The following CNTN1 variants were observed in gnomAD, a reference collection of about 807,000 sequenced individuals.
The protein encoded by CNTN1 is contactin-1.
CNTN1 carries 38 observed loss-of-function variants against 126.4 expected under a neutral mutation model. The ratio of observed to expected loss-of-function variants is 0.30; its 90% CI spans 0.23 to 0.39. The LOEUF is 0.39. Among genes scored for constraint, CNTN1 ranks in the 10% least tolerant of loss-of-function variants. The pLI, the probability that CNTN1 is intolerant of heterozygous loss-of-function variation, is 1.00. For synonymous variants in CNTN1, 413 were observed against 422.6 expected (o/e 0.98, Z 0.28); for missense variants, 1,009 against 1,248.4 (o/e 0.81, Z 2.89).
chr12:40,889,522 T>C (rs1944166470), intron 1 of CNTN1, among the ~76,000 whole-genome samples: 1 of 152,190 alleles, frequency 6.6e-6, no homozygotes, highest in African/African-American at 2.4e-5. Flanking sequence ...AAAAACTGTT[T>C]ACTAAGCATT....
intron 1 of CNTN1, among the ~76,000 whole-genome samples, chr12:40,906,907 A>T (rs66468524): frequency 0.048 from 7,321 of 151,608 alleles, 318 homozygotes; most frequent in African/African-American, 0.12. Context: ...CGAACTCCTG[A>T]CCTCAGGTGA....
At chr12:40,906,228 A>G (rs1944808046) in intron 1 of CNTN1, among the ~76,000 whole-genome samples, 1 of 152,144 alleles carries the variant, frequency 6.6e-6, no homozygotes. Flanking sequence ...CCGAGACTGC[A>G]CCACTGCACT....
intron 1 of CNTN1, among the ~76,000 whole-genome samples, chr12:40,888,929 G>T (rs1453490523): frequency 6.6e-6 from 1 of 152,202 alleles, no homozygotes; most frequent in Non-Finnish European, 1.5e-5. Context: ...ACACAGCCTT[G>T]CTTCCCCTCC....
At chr12:40,873,487 A>G (rs952111004) in intron 1 of CNTN1, among the ~76,000 whole-genome samples, 1 of 152,174 alleles carries the variant, frequency 6.6e-6, no homozygotes, top group African/African-American at 2.4e-5. Flanking sequence ...TAGATTCTCC[A>G]TATTGGTTTG....
intron 1 of CNTN1, among the ~76,000 whole-genome samples, chr12:40,826,791 C>A (rs1941626867): frequency 6.6e-6 from 1 of 152,190 alleles, no homozygotes; most frequent in Admixed American, 6.5e-5. Context: ...TGTACTCTAA[C>A]CCTGAGTAAT....
At chr12:41,023,140 C>T (rs1318247100) in intron 20 of CNTN1, among the ~76,000 whole-genome samples, 3 of 152,050 alleles carry the variant, frequency 2.0e-5, no homozygotes, top group African/African-American at 7.2e-5. Context: ...TACCCCAATG[C>T]ACTTCCCATG....
At chr12:40,839,112 CT>C (rs1412146351) in intron 1 of CNTN1, among the ~76,000 whole-genome samples, 1 of 152,026 alleles carries the variant, frequency 6.6e-6, no homozygotes, top group Non-Finnish European at 1.5e-5. Flanking sequence ...AACTGAGGTA[CT>C]TTTTGAAGGA....
intron 1 of CNTN1, among the ~76,000 whole-genome samples, chr12:40,731,855 G>A (rs73110855): frequency 0.012 from 1,879 of 152,004 alleles, 26 homozygotes; most frequent in African/African-American, 0.043. Context: ...GGTTATCTCT[G>A]ACTGGGGCTC....
At chr12:40,936,684 G>T (rs547721641) in intron 9 of CNTN1, 97 bp from the exon 10 acceptor site, 21 of 1,468,476 alleles carry the variant, frequency 1.4e-5, no homozygotes, top group Non-Finnish European at 1.9e-5. Flanking sequence ...GATGTATTCT[G>T]CAGAATTAGG....
chr12:41,033,279 TATTATCCTTCAAA>T (rs1566182961), intron 23 of CNTN1, among the ~76,000 whole-genome samples: 1 of 152,212 alleles, frequency 6.6e-6, no homozygotes, highest in Non-Finnish European at 1.5e-5. Flanking sequence ...AATAATTCTA[TATTATCCTTCAAA>T]AACCGTTTTT....
rs539506854 is a variant in CNTN1 at position 41,033,870 on chromosome 12, C to A, written c.2980+4651C>A. On this transcript the variant is annotated intron_variant, in intron 23 of 23. Transcript: ENST00000551295. ...TGGCTAACATGGTGATACCCCGTCT[C>A]TACTAAAAATACAAAAAAAAAAAAA... is the stretch of plus-strand genomic sequence containing the variant. 1.6e-3 allele frequency among the ~76,000 whole-genome samples: 227 copies of A among 142,034 alleles called. 1 individual carries two copies. The highest frequency in any genetic ancestry group is 5.8e-3 in the African/African-American group (219 of 37,518). 93.2% of individuals were successfully genotyped at this position (142,034 alleles called of 152,430 possible). A position where few individuals can be genotyped will look rare whatever the true frequency, so the allele number is the denominator to read the frequency against.
intron 7 of CNTN1, among the ~76,000 whole-genome samples, chr12:40,932,976 T>C (rs1257089317): frequency 6.6e-6 from 1 of 151,786 alleles, no homozygotes; most frequent in East Asian, 1.9e-4. Context: ...TCTGAGTAAA[T>C]GTTTTCCTTC....
At chr12:40,767,402 G>A (rs1939146135) in intron 1 of CNTN1, among the ~76,000 whole-genome samples, 1 of 128,896 alleles carries the variant, frequency 7.8e-6, no homozygotes, top group African/African-American at 2.9e-5. Context: ...TCTGCCTCCC[G>A]GGTTCACCCC....
At chr12:40,932,055 A>G (rs1945905214) in intron 7 of CNTN1, among the ~76,000 whole-genome samples, 2 of 151,796 alleles carry the variant, frequency 1.3e-5, no homozygotes, top group Non-Finnish European at 1.5e-5. Context: ...TCCATGCTCC[A>G]TCCTTTAAAA....
intron 1 of CNTN1, among the ~76,000 whole-genome samples, chr12:40,716,234 GTC>G (rs916972890): frequency 6.0e-5 from 9 of 150,714 alleles, no homozygotes; most frequent in African/African-American, 1.7e-4. Flanking sequence ...CTCTCTCTGT[GTC>G]TCTCTCTCTC....
At chr12:40,834,306 C>G (rs1192524759) in intron 1 of CNTN1, among the ~76,000 whole-genome samples, 1 of 152,110 alleles carries the variant, frequency 6.6e-6, no homozygotes, top group East Asian at 1.9e-4. Flanking sequence ...CATTAACTGC[C>G]CTTTCACCCG....
intron 20 of CNTN1, among the ~76,000 whole-genome samples, chr12:41,024,245 A>T (rs1948988937): frequency 6.6e-6 from 1 of 152,180 alleles, no homozygotes; most frequent in African/African-American, 2.4e-5. Context: ...ATTTTGGTTA[A>T]TTGTGAAATT....
chr12:40,897,734 G>A (rs1002881353), intron 1 of CNTN1, among the ~76,000 whole-genome samples: 4 of 152,100 alleles, frequency 2.6e-5, no homozygotes, highest in African/African-American at 9.7e-5. Flanking sequence ...CAATGGTTTG[G>A]GGGCACCAGG....
At chr12:40,942,908 T>C (rs1946306476) in intron 12 of CNTN1, among the ~76,000 whole-genome samples, 2 of 152,110 alleles carry the variant, frequency 1.3e-5, no homozygotes, top group South Asian at 4.1e-4. Context: ...GGATATACGT[T>C]TGCATGTTTT....
Sources: allele counts gnomAD v4.1 joint callset (sites outside exome capture counted in the v4.1 genomes callset), GRCh38; gene constraint gnomAD v4.1.1; transcripts MANE v1.5; gene names NCBI Gene and HGNC (gene_info 2026-07-23, HGNC 2026-07-21).